CARD19: variants seen among roughly 807,000 people sequenced by gnomAD.
CARD19 encodes the protein caspase recruitment domain-containing protein 19.
Under a neutral mutation model 24.1 loss-of-function variants are expected in CARD19, and 25 were observed. The ratio of observed to expected loss-of-function variants is 1.04; its 90% CI spans 0.76 to 1.45. CARD19 has a LOEUF of 1.45. CARD19 is among the 40% of genes most tolerant of loss of function. The pLI, the probability that CARD19 is intolerant of heterozygous loss-of-function variation, is 0.00. For missense variants in CARD19, 241 were observed against 247.4 expected (o/e 0.97, Z 0.17); for synonymous variants, 103 against 104.9 (o/e 0.98, Z 0.11).
chr9:93,100,702 G>A (rs900885968), intron 1 of CARD19, among the ~76,000 whole-genome samples: 5 of 152,066 alleles, frequency 3.3e-5, no homozygotes, highest in Admixed American at 6.5e-5. Flanking sequence ...TTTTGTACCC[G>A]TTAAACAATA....
At position 93,111,938 on chromosome 9, in the gene CARD19, G is replaced by A. The variant is rs141857568; in HGVS notation, c.364G>A (p.Gly122Arg). The change falls in exon 4 of 6, where the codon GGA (glycine) becomes AGA (arginine). Residue 122 changes from glycine (G) to arginine (R), a missense_variant and splice_region_variant. By Grantham distance (125) the Gly-to-Arg change is moderately radical. Transcript: ENST00000375464. ...CCAGAGCGGCGAGCTGAGTAACAGG[G>A]GTAACACCTCCCTGCTGCCCCTCCC... is the stretch of plus-strand genomic sequence containing the variant. Reference protein sequence around the residue: ...GSQSGELSNRGPMSFLAGLGL... With the variant: ...GSQSGELSNRRPMSFLAGLGL... The A allele has an allele frequency of 2.5e-6, 4 of 1,610,700 alleles. No homozygotes were observed. The Admixed American group carries it at 6.7e-5, about 27-fold the overall frequency.
Position 93,096,914 on chromosome 9 carries a change from G to C in CARD19, c.7+562G>C, listed in dbSNP as rs1826889926. 6.6e-6 allele frequency among the ~76,000 whole-genome samples: 1 copy of C among 152,116 alleles called. No homozygotes were observed. Among genetic ancestry groups the C allele is most frequent in the Non-Finnish European group, 1.5e-5 (1 of 68,012 alleles). On this transcript the variant is annotated intron_variant, in intron 1 of 5. Transcript: ENST00000375464. This position sits in a 1 kb window ranked among gnomAD's most constrained non-coding sequence, Gnocchi z 5.4. ...TCCTTCGGTGGTCCACGACGCTCTT[G>C]CCCCTGTTTAGTTCTAAGAGAATCG...
At chr9:93,111,220 G>C in intron 3 of CARD19, 1 of 1,177,158 alleles carries the variant, frequency 8.5e-7, no homozygotes, top group Non-Finnish European at 1.1e-6. Context: ...TCCGAAGCAC[G>C]TGCATTTCAG....
chr9:93,106,447 G>T (rs1827260974), intron 1 of CARD19, among the ~76,000 whole-genome samples: 1 of 120,422 alleles, frequency 8.3e-6, no homozygotes, highest in South Asian at 2.6e-4. Flanking sequence ...AACCAGCTGG[G>T]TGTTGTGGCA....
intron 3 of CARD19, chr9:93,111,538 C>A (rs910813768): frequency 8.4e-7 from 1 of 1,194,226 alleles, no homozygotes; most frequent in Non-Finnish European, 1.0e-6. Flanking sequence ...GGGGAGAGCT[C>A]GAGGGGAGGC....
chr9:93,110,349 A>G, intron 2 of CARD19: 1 of 695,582 alleles, frequency 1.4e-6, no homozygotes, highest in East Asian at 2.9e-5. Flanking sequence ...CTCCCACCCC[A>G]CAGGGAGTAT....
At chr9:93,098,118 C>A (rs903759780) in intron 1 of CARD19, among the ~76,000 whole-genome samples, 5 of 152,316 alleles carry the variant, frequency 3.3e-5, no homozygotes, top group Admixed American at 3.3e-4. Context: ...GACAAGTTAC[C>A]CCCTGGGCTG....
At chr9:93,111,113 A>C (rs1322815523) in intron 3 of CARD19, 1 of 1,263,890 alleles carries the variant, frequency 7.9e-7, no homozygotes, top group East Asian at 5.0e-5. Flanking sequence ...AGGCGGTCCC[A>C]GCTGGAATTA....
Position 93,096,504 on chromosome 9 carries a change from A to C in CARD19, c.7+152A>C. 1 of 718,602 alleles carries C rather than the reference A, an allele frequency of 1.4e-6. No individual in the cohort carries two copies. The highest frequency in any genetic ancestry group is 1.9e-6 in the Non-Finnish European group (1 of 525,158). The allele number at this position is 718,602 out of a possible 1,614,324, so 44.5% of individuals were successfully genotyped here. ...GCCCGTCAGCTGTCGGTGGTGCGCG[A>C]GTGCACCCCCGCGAAGTGGTGGGTG... On this transcript the variant is annotated intron_variant, in intron 1 of 5. Coordinates refer to ENST00000375464, the MANE Select transcript of CARD19 (RefSeq NM_032310.5). This position sits in a 1 kb window ranked among gnomAD's most constrained non-coding sequence, Gnocchi z 5.4.
chr9:93,107,733 T>A lies in CARD19; in HGVS notation c.67T>A (p.Leu23Met). The stretch of plus-strand genomic sequence containing the variant: ...GCCTTTCCTGACAGGCCATGGGCGC[T>A]TGAGTGAGCAGCAGGTGGACAGGAT... ...DTPFLTGHGR[L>M]SEQQVDRIIL... is the part of the protein sequence containing the mutation. The change falls in exon 2 of 6, where the codon TTG (leucine) becomes ATG (methionine). Residue 23 changes from leucine to methionine, a missense_variant. Leu to Met is a conservative substitution (Grantham distance 15). Transcript: ENST00000375464. The A allele has an allele frequency of 1.2e-6, 2 of 1,614,202 alleles. No homozygotes were observed. Among genetic ancestry groups the A allele is most frequent in the Non-Finnish European group, 1.7e-6 (2 of 1,180,024 alleles).
At chr9:93,109,848 A>C (rs961734886) in intron 2 of CARD19, 5 of 152,284 alleles carry the variant, frequency 3.3e-5, no homozygotes, top group African/African-American at 1.2e-4. Context: ...CCATCACTTC[A>C]TTAATTCCCT....
At chr9:93,110,495 C>G in intron 2 of CARD19, 73 bp from the exon 3 acceptor site, 1 of 1,518,868 alleles carries the variant, frequency 6.6e-7, no homozygotes, top group Non-Finnish European at 8.8e-7. Context: ...GGGGGCCTGA[C>G]CTTGGTGCCC....
At chr9:93,108,767 C>T (rs938020262) in intron 2 of CARD19, among the ~76,000 whole-genome samples, 2 of 152,250 alleles carry the variant, frequency 1.3e-5, no homozygotes, top group Non-Finnish European at 2.9e-5. Flanking sequence ...TCACATGGCC[C>T]TGGCCTCTCA....
intron 2 of CARD19, among the ~76,000 whole-genome samples, chr9:93,108,567 A>G (rs1827349852): frequency 1.3e-5 from 2 of 152,014 alleles, no homozygotes. Context: ...CGCCTGCCCG[A>G]GAGCCCTTGT....
rs372337380 is a variant in CARD19, at chr9:93,113,047, C to G, written c.492C>G (p.Ile164Met). 6.2e-7 allele frequency: 1 copy of G among 1,607,796 alleles called. No individual in the cohort carries two copies. Among genetic ancestry groups the G allele is most frequent in the African/African-American group, 1.3e-5 (1 of 74,970 alleles). The change falls in exon 6 of 6, where the codon ATC (isoleucine) becomes ATG (methionine). Residue 164 changes from isoleucine (I) to methionine (M), a missense_variant. By Grantham distance (10) the Ile-to-Met change is conservative (BLOSUM62 1). Transcript: ENST00000375464. ...TCCTCGGTTTCTCGCCTGTCATCAT[C>G]GACAGACATGTCAGCCGCTACCTGC... Reference protein sequence around the residue: ...RRVLGFSPVIIDRHVSRYLLA... With the variant: ...RRVLGFSPVIMDRHVSRYLLA...
chr9:93,096,842 TC>T lies in CARD19; in HGVS notation c.7+492del, dbSNP rs1327042490. On this transcript the variant is annotated intron_variant, in intron 1 of 5. Coordinates refer to ENST00000375464, the MANE Select transcript of CARD19 (RefSeq NM_032310.5). This position sits in a 1 kb window ranked among gnomAD's most constrained non-coding sequence, Gnocchi z 5.4. ...CGAGGTCGCGGGACAGGCGATGCGT[TC>T]CTCGGCGGCATGTGATTCCTGTGGG... Among the ~76,000 whole-genome samples, 1 of 152,186 alleles carries T rather than the reference TC, an allele frequency of 6.6e-6. No homozygotes were observed. The highest frequency in any genetic ancestry group is 6.5e-5 in the Admixed American group (1 of 15,282).
At chr9:93,112,158 C>G in intron 4 of CARD19, 60 bp from the exon 5 acceptor site, 6 of 1,500,260 alleles carry the variant, frequency 4.0e-6, no homozygotes, top group Non-Finnish European at 5.4e-6. Flanking sequence ...AGCCCCCAGG[C>G]CTCAGGACCC....
In CARD19 at chr9:93,107,917, G is replaced by A. The variant is rs1054436284; in HGVS notation, c.150+101G>A. The A allele has an allele frequency of 4.3e-6, 6 of 1,411,378 alleles. No homozygotes were observed. The African/African-American group carries it at 7.1e-5, about 17-fold the overall frequency. The allele number at this position is 1,411,378 out of a possible 1,614,324, so 87.4% of individuals were successfully genotyped here. On this transcript the variant is annotated intron_variant, in intron 2 of 5. Transcript: ENST00000375464. ...CCAGCCCTGGGTCATTCTCTCATGG[G>A]ATGACACACTAGGTATGTCAGGATT...
intron 1 of CARD19, among the ~76,000 whole-genome samples, chr9:93,102,294 T>C (rs1156667459): frequency 6.6e-6 from 1 of 152,180 alleles, no homozygotes. Context: ...TTTTGTGTGC[T>C]TGATGGCTAG....
Sources: gnomAD v4.1 joint callset for allele counts (sites outside exome capture counted in the v4.1 genomes callset) on GRCh38, gnomAD v4.1.1 for gene constraint, Gnocchi (gnomAD v3.1) non-coding constraint, MANE v1.5 for transcripts, NCBI Gene and HGNC (gene_info 2026-07-23, HGNC 2026-07-21) for gene names.